The following LEF1 variants were observed in gnomAD, a reference collection of about 807,000 sequenced individuals.
LEF1 encodes the protein lymphoid enhancer-binding factor 1.
A neutral mutation model predicts 51.2 loss-of-function variants in LEF1; 14 were observed. That is an observed-to-expected ratio of 0.27 (90% CI 0.18 to 0.43). The LOEUF is 0.43. Ranked by LOEUF, LEF1 falls within the 20% of genes least tolerant of loss-of-function variation. LEF1 has a pLI of 1.00. For missense variants in LEF1, 386 were observed against 512.0 expected (o/e 0.75, Z 2.37); for synonymous variants, 185 against 183.2 (o/e 1.01, Z -0.08).
At chr4:108,055,867 A>C (rs149313760) in intron 11 of LEF1, among the ~76,000 whole-genome samples, 2 of 152,350 alleles carry the variant, frequency 1.3e-5, no homozygotes, top group African/African-American at 4.8e-5. Context: ...GATACTGCCC[A>C]TTCTTAAAAG....
intron 11 of LEF1, among the ~76,000 whole-genome samples, chr4:108,058,220 CTCA>C (rs1737435021): frequency 6.6e-6 from 1 of 152,008 alleles, no homozygotes; most frequent in Non-Finnish European, 1.5e-5. Context: ...TAAACTAACT[CTCA>C]TGTCATACAA....
intron 3 of LEF1, among the ~76,000 whole-genome samples, chr4:108,119,101 C>A (rs1350799074): frequency 6.8e-6 from 1 of 147,964 alleles, no homozygotes; most frequent in Admixed American, 6.8e-5. Context: ...TTTTCAATTT[C>A]TTTGCCTTTC....
intron 3 of LEF1, among the ~76,000 whole-genome samples, chr4:108,153,538 C>T (rs138712440): frequency 5.3e-5 from 8 of 152,234 alleles, no homozygotes; most frequent in South Asian, 2.1e-4. Flanking sequence ...CTAACCACAA[C>T]GAAAGTTGAA....
At chr4:108,100,590 T>C (rs1024410646) in intron 3 of LEF1, among the ~76,000 whole-genome samples, 3 of 152,212 alleles carry the variant, frequency 2.0e-5, no homozygotes. Context: ...CCTATGTATC[T>C]TTCCCGAGAG....
intron 3 of LEF1, among the ~76,000 whole-genome samples, chr4:108,132,887 T>C (rs540347861): frequency 6.6e-6 from 1 of 152,056 alleles, no homozygotes; most frequent in East Asian, 1.9e-4. Flanking sequence ...CCCAGGCTTG[T>C]CTCCAACCCC....
intron 11 of LEF1, among the ~76,000 whole-genome samples, chr4:108,063,327 C>T (rs950212826): frequency 2.6e-5 from 4 of 151,488 alleles, no homozygotes; most frequent in South Asian, 4.2e-4. Flanking sequence ...TTAAGCAGGC[C>T]GATTTGCCAC....
rs1013510005 is a variant in LEF1, at chr4:108,168,567, C to G, written c.-800G>C. The G allele has an allele frequency of 3.3e-5, 5 of 152,218 alleles. No individual in the cohort carries two copies. The highest frequency in any genetic ancestry group is 1.2e-4 in the African/African-American group (5 of 41,536). The allele number at this position is 152,218 out of a possible 1,614,324, so 9.4% of individuals were successfully genotyped here. On this transcript the variant is annotated 5_prime_UTR_variant, in exon 1 of 12. Transcript: ENST00000265165. This position sits in a 1 kb window ranked among gnomAD's most constrained non-coding sequence, Gnocchi z 4.6. ...AGAATAAAGTTTTTGCCGGCAAGCGCGGGGACTCCGCAGTGGAGGGCACTG... is the reference window on the plus strand; with the variant it reads ...AGAATAAAGTTTTTGCCGGCAAGCGGGGGGACTCCGCAGTGGAGGGCACTG...
At chr4:108,106,218 C>A (rs888080593) in intron 3 of LEF1, among the ~76,000 whole-genome samples, 2 of 152,136 alleles carry the variant, frequency 1.3e-5, no homozygotes, top group African/African-American at 4.8e-5. Context: ...GACAAGGAGA[C>A]AAAGATAAGT....
At chr4:108,099,454 T>C (rs1740602296) in intron 3 of LEF1, among the ~76,000 whole-genome samples, 1 of 150,738 alleles carries the variant, frequency 6.6e-6, no homozygotes, top group South Asian at 2.1e-4. Flanking sequence ...AATTTAACAT[T>C]ACATTTCAAT....
intron 3 of LEF1, among the ~76,000 whole-genome samples, chr4:108,153,200 C>A (rs144870056): frequency 6.6e-6 from 1 of 152,184 alleles, no homozygotes; most frequent in African/African-American, 2.4e-5. Context: ...ACAGACTGAC[C>A]CTTTGTTCTC....
At chr4:108,066,147 C>A (rs1017360661) in intron 9 of LEF1, among the ~76,000 whole-genome samples, 1 of 152,184 alleles carries the variant, frequency 6.6e-6, no homozygotes, top group African/African-American at 2.4e-5. Flanking sequence ...AAGTAATCCG[C>A]CCCTATAAGT....
At chr4:108,144,911 T>C (rs1180370390) in intron 3 of LEF1, among the ~76,000 whole-genome samples, 5 of 139,998 alleles carry the variant, frequency 3.6e-5, no homozygotes, top group Admixed American at 2.9e-4. Flanking sequence ...TCATGAATAC[T>C]GCATAATCTG....
chr4:108,157,148 TTCTCTCTC>T (rs141657105), intron 3 of LEF1, among the ~76,000 whole-genome samples: 1 of 117,852 alleles, frequency 8.5e-6, no homozygotes, highest in Non-Finnish European at 1.7e-5. Context: ...TACCTCTTCA[TTCTCTCTC>T]TCTCTCTCTC....
chr4:108,087,493 T>C (rs1469715683), intron 4 of LEF1, among the ~76,000 whole-genome samples: 1 of 152,000 alleles, frequency 6.6e-6, no homozygotes, highest in East Asian at 1.9e-4. Context: ...AGGGTGGCAG[T>C]AGGAGATGGA....
intron 3 of LEF1, among the ~76,000 whole-genome samples, chr4:108,093,675 T>C (rs1740197110): frequency 6.6e-6 from 1 of 152,086 alleles, no homozygotes; most frequent in African/African-American, 2.4e-5. Context: ...CCTTGGTTTC[T>C]GATTCCAACT....
chr4:108,110,574 A>C (rs747581910), intron 3 of LEF1, among the ~76,000 whole-genome samples: 1 of 152,170 alleles, frequency 6.6e-6, no homozygotes, highest in Non-Finnish European at 1.5e-5. Context: ...GAATGGTATC[A>C]CTGCTTCTCT....
intron 3 of LEF1, among the ~76,000 whole-genome samples, chr4:108,099,607 T>A (rs1333013486): frequency 3.3e-5 from 4 of 121,490 alleles, no homozygotes; most frequent in Non-Finnish European, 5.1e-5. Context: ...TATATATATA[T>A]ATATATATAT....
chr4:108,067,655 G>A (rs1355125831), intron 9 of LEF1, among the ~76,000 whole-genome samples: 2 of 151,508 alleles, frequency 1.3e-5, no homozygotes, highest in African/African-American at 2.4e-5. Flanking sequence ...TCAGCCTCCC[G>A]AGTAGCTGGG....
chr4:108,135,036 T>TGC (rs1743163488), intron 3 of LEF1, among the ~76,000 whole-genome samples: 1 of 152,040 alleles, frequency 6.6e-6, no homozygotes, highest in Non-Finnish European at 1.5e-5. Flanking sequence ...AGTGACCAAG[T>TGC]GAATTGAGAA....
Sources: allele counts gnomAD v4.1 joint callset (sites outside exome capture counted in the v4.1 genomes callset), GRCh38; gene constraint gnomAD v4.1.1; non-coding constraint Gnocchi (gnomAD v3.1); transcripts MANE v1.5; gene names NCBI Gene and HGNC (gene_info 2026-07-23, HGNC 2026-07-21).